DNAH14: variants seen among roughly 807,000 people sequenced by gnomAD.
DNAH14 encodes the protein dynein axonemal heavy chain 14, also known as axonemal beta dynein heavy chain 14.
Under a neutral mutation model 520.9 loss-of-function variants are expected in DNAH14, and 478 were observed. The ratio of observed to expected loss-of-function variants is 0.92; its 90% CI spans 0.85 to 0.99. The LOEUF is 0.99. Among genes scored for constraint, DNAH14 ranks in the 50% least tolerant of loss-of-function variants. The pLI, the probability that DNAH14 is intolerant of heterozygous loss-of-function variation, is 0.00. For missense variants in DNAH14, 4,831 were observed against 5,234.5 expected, an observed-to-expected ratio of 0.92 and a Z score of 2.38; for synonymous variants, 1,581 against 1,757.2, an observed-to-expected ratio of 0.90 and a Z score of 2.51.
At chr1:225,017,106 T>C (rs2065273737) in intron 10 of DNAH14, among the ~76,000 whole-genome samples, 1 of 152,172 alleles carries the variant, frequency 6.6e-6, no homozygotes, top group Admixed American at 6.5e-5. Flanking sequence ...GGTGACATAG[T>C]TTCTTGTTTT....
chr1:224,968,057 T>C, intron 6 of DNAH14: 22 of 690,032 alleles, frequency 3.2e-5, no homozygotes, highest in Non-Finnish European at 3.8e-5. Context: ...TGTCTGCCTT[T>C]TTCTGCCTTC....
chr1:224,960,616 C>T (rs2060784621), intron 4 of DNAH14, among the ~76,000 whole-genome samples: 1 of 151,986 alleles, frequency 6.6e-6, no homozygotes, highest in South Asian at 2.1e-4. Flanking sequence ...TTGATGATTT[C>T]ATTTTATTTA....
chr1:225,148,639 A>G (rs1006551615), intron 31 of DNAH14, among the ~76,000 whole-genome samples: 3 of 151,952 alleles, frequency 2.0e-5, no homozygotes, highest in Admixed American at 6.6e-5. Flanking sequence ...TGACCTTGTG[A>G]TGTGCCCTCC....
Position 225,057,828 on chromosome 1 carries a change from C to T in DNAH14, c.2424+6033C>T, listed in dbSNP as rs1164324421. On this transcript the variant is annotated intron_variant, in intron 17 of 85. Transcript: ENST00000682510. ...TTGGTTCTGTTTATATGCTGGATTA[C>T]GTTTATTGATTTTCGTATGTTGAAA... Among the ~76,000 whole-genome samples the T allele has an allele frequency of 5.3e-5, 8 of 152,110 alleles. No homozygotes were observed. The East Asian group carries it at 7.7e-4, about 15-fold the overall frequency.
chr1:225,061,318 G>C (rs111726126), intron 17 of DNAH14, among the ~76,000 whole-genome samples: 1 of 152,182 alleles, frequency 6.6e-6, no homozygotes, highest in Non-Finnish European at 1.5e-5. Flanking sequence ...TGAGCCAGGC[G>C]CTGGATACAA....
rs370991538 is a variant in DNAH14, at chr1:225,231,092, G to A, written c.6459G>A (p.Thr2153=). Residue 2153 remains threonine, a synonymous_variant, in exon 42 of 86, where the codon ACG becomes ACA. Transcript: ENST00000682510. ...TTTAAGGTGATGATTTGAATGACAC[G>A]TCATCTAAGGAGGCAAATTCCCAAA... ...GFEQSDDLND[T]SSKEANSQRE... The A allele has an allele frequency of 5.2e-5, 81 of 1,547,182 alleles. 1 individual carries two copies. Among genetic ancestry groups the A allele is most frequent in the African/African-American group, 4.7e-4 (34 of 72,834 alleles).
chr1:225,292,235 T>G (rs1427530433), intron 55 of DNAH14, among the ~76,000 whole-genome samples: 1 of 152,192 alleles, frequency 6.6e-6, no homozygotes, highest in Admixed American at 6.5e-5. Context: ...TAGTTTCAGG[T>G]CTTACATTTA....
intron 9 of DNAH14, among the ~76,000 whole-genome samples, chr1:225,007,193 T>A (rs1414154511): frequency 6.6e-6 from 1 of 152,212 alleles, no homozygotes; most frequent in African/African-American, 2.4e-5. Flanking sequence ...TTAATCTTAC[T>A]TATTGTTTAA....
chr1:225,051,592 A>G lies in DNAH14; in HGVS notation c.2221A>G (p.Lys741Glu), dbSNP rs1227476404. ...ATCATCTATGGGAGAATTAACTTCAAAAGAATTTGAAGCTATTCTAAATAG... is the reference window on the plus strand; with the variant it reads ...ATCATCTATGGGAGAATTAACTTCAGAAGAATTTGAAGCTATTCTAAATAG... ...KISSMGELTS[K>E]EFEAILNRFR... Residue 741 changes from lysine to glutamate, a missense_variant, in exon 17 of 86, where the codon AAA becomes GAA. Transcript: ENST00000682510. 1.3e-6 allele frequency: 2 copies of G among 1,550,962 alleles called. No individual in the cohort carries two copies. The highest frequency in any genetic ancestry group is 2.5e-5 in the East Asian group (1 of 40,790).
At position 225,381,559 on chromosome 1, in the gene DNAH14, A is replaced by G; in HGVS notation, c.13057A>G (p.Arg4353Gly). The change falls in exon 81 of 86, where the codon AGA (arginine) becomes GGA (glycine). Residue 4353 changes from arginine (R) to glycine (G), a missense_variant. By Grantham distance (125) the Arg-to-Gly change is moderately radical. Transcript: ENST00000682510. Reference protein sequence around the residue: ...EEIFNSFLNMRVPTLWQKHAY... With the variant: ...EEIFNSFLNMGVPTLWQKHAY... Reference sequence around the variant, plus strand: ...AATATTTAACTCTTTTCTTAATATGAGAGTGCCTACATTGTGGCAGGTAAG... The same window carrying G: ...AATATTTAACTCTTTTCTTAATATGGGAGTGCCTACATTGTGGCAGGTAAG... 1 of 1,527,450 alleles carries G rather than the reference A, an allele frequency of 6.5e-7. No homozygotes were observed. The highest frequency in any genetic ancestry group is 1.4e-5 in the African/African-American group (1 of 71,420). The allele number at this position is 1,527,450 out of a possible 1,614,324, so 94.6% of individuals were successfully genotyped here. A position where few individuals can be genotyped will look rare whatever the true frequency, so the allele number is the denominator to read the frequency against.
At chr1:225,033,117 A>G (rs1218409313) in intron 11 of DNAH14, among the ~76,000 whole-genome samples, 3 of 152,056 alleles carry the variant, frequency 2.0e-5, no homozygotes, top group Admixed American at 1.3e-4. Context: ...TTTTGTTGCA[A>G]TGGCTTTTTG....
At position 225,303,235 on chromosome 1, in the gene DNAH14, C is replaced by G; in HGVS notation, c.8711C>G (p.Pro2904Arg). The G allele has an allele frequency of 6.4e-7, 1 of 1,551,232 alleles. No homozygotes were observed. ...PSFRQNCRVY[P>R]SMISSCTIDW... ...TTCCGCCAAAATTGTAGAGTGTATCCTTCTATGATTAGCTCCTGCACGATC... is the reference window on the plus strand; with the variant it reads ...TTCCGCCAAAATTGTAGAGTGTATCGTTCTATGATTAGCTCCTGCACGATC... Residue 2904 changes from proline (P) to arginine (R), a missense_variant, in exon 57 of 86, where the codon CCT becomes CGT. Transcript: ENST00000682510.
At chr1:225,138,858 C>T (rs78868962) in intron 27 of DNAH14, among the ~76,000 whole-genome samples, 3 of 151,922 alleles carry the variant, frequency 2.0e-5, no homozygotes, top group Admixed American at 1.3e-4. Context: ...ATTCCCGATG[C>T]GAGAACCTGG....
chr1:224,964,154 C>T (rs1351380473), intron 4 of DNAH14, among the ~76,000 whole-genome samples: 1 of 152,036 alleles, frequency 6.6e-6, no homozygotes, highest in East Asian at 1.9e-4. Flanking sequence ...TTTTCTGATC[C>T]AACTGTCCCT....
chr1:225,166,542 G>C (rs758258947), intron 35 of DNAH14, among the ~76,000 whole-genome samples: 2 of 151,854 alleles, frequency 1.3e-5, no homozygotes, highest in Non-Finnish European at 2.9e-5. Context: ...ATTTTTGATG[G>C]CTTACACAGT....
intron 23 of DNAH14, among the ~76,000 whole-genome samples, chr1:225,102,229 T>C (rs932477159): frequency 6.6e-6 from 1 of 152,244 alleles, no homozygotes; most frequent in Admixed American, 6.5e-5. Context: ...CTCATCATTT[T>C]TTATGGCTGC....
chr1:225,361,253 C>G (rs2095489106), intron 75 of DNAH14, among the ~76,000 whole-genome samples: 1 of 152,158 alleles, frequency 6.6e-6, no homozygotes, highest in Non-Finnish European at 1.5e-5. Flanking sequence ...GAGCATAATA[C>G]CTCATATCTA....
chr1:224,936,257 A>C (rs2059029374), intron 1 of DNAH14, among the ~76,000 whole-genome samples: 2 of 151,866 alleles, frequency 1.3e-5, no homozygotes, highest in Non-Finnish European at 2.9e-5. Context: ...ATAGAGGATC[A>C]ATGAAATGAA....
intron 19 of DNAH14, 38 bp downstream of exon 19, chr1:225,080,786 A>G (rs2073027811): frequency 6.8e-7 from 1 of 1,474,482 alleles, no homozygotes; most frequent in Non-Finnish European, 9.0e-7. Context: ...ACCTAGGTCT[A>G]TATACCAAAT....
Sources: gnomAD v4.1 joint callset for allele counts (sites outside exome capture counted in the v4.1 genomes callset) on GRCh38, gnomAD v4.1.1 for gene constraint, MANE v1.5 for transcripts, NCBI Gene and HGNC (gene_info 2026-07-23, HGNC 2026-07-21) for gene names.